Variants in STXBP6 observed in about 807,000 individuals in gnomAD.
STXBP6 encodes syntaxin-binding protein 6.
In STXBP6, 21 loss-of-function variants were observed where a neutral mutation model predicts 26.9. The observed-to-expected ratio is 0.78, with a 90% CI of 0.55 to 1.12. The LOEUF (loss-of-function observed/expected upper bound fraction) is 1.12. Ranked by LOEUF, STXBP6 falls within the 50% of genes most tolerant of loss-of-function variation. STXBP6 has a pLI of 0.00. For synonymous variants in STXBP6, 97 were observed against 92.6 expected, an observed-to-expected ratio of 1.05 and a Z score of -0.27; for missense variants, 232 against 257.9, an observed-to-expected ratio of 0.90 and a Z score of 0.69.
chr14:24,876,735 G>A (rs2070159416), intron 2 of STXBP6, among the ~76,000 whole-genome samples: 1 of 152,164 alleles, frequency 6.6e-6, no homozygotes, highest in Non-Finnish European at 1.5e-5. Flanking sequence ...GCCTAAAATT[G>A]GTAATTGGGC....
rs556583344 is a variant in STXBP6, at chr14:24,890,745, A to T, written c.155-33588T>A. Among the ~76,000 whole-genome samples the T allele has an allele frequency of 1.2e-3, 186 of 152,336 alleles. 1 individual carries two copies. Among genetic ancestry groups the T allele is most frequent in the Non-Finnish European group, 2.4e-3 (162 of 68,026 alleles). On this transcript the variant is annotated intron_variant, in intron 2 of 5. Transcript: ENST00000323944. The stretch of plus-strand genomic sequence containing the variant: ...CATCTTCAAAAAATGTATTCCTTTG[A>T]AATAAATTGAAACAGTATTAAACAG...
intron 1 of STXBP6, among the ~76,000 whole-genome samples, chr14:24,986,358 C>T (rs1193445900): frequency 6.6e-6 from 1 of 152,178 alleles, no homozygotes; most frequent in Admixed American, 6.5e-5. Context: ...AAGCTCCAAC[C>T]CACAGGCCTC....
rs757098534 is a variant in STXBP6 at position 24,812,661 on chromosome 14, C to A, written c.*48G>T. Reference sequence around the variant, plus strand: ...CCGAATTCTTGTAAAAACTGCTGAACAAACTCTTCAGTTTCTCTTAAGAAG... The same window carrying A: ...CCGAATTCTTGTAAAAACTGCTGAAAAAACTCTTCAGTTTCTCTTAAGAAG... On this transcript the variant is annotated 3_prime_UTR_variant, in exon 6 of 6. Coordinates refer to ENST00000323944, the MANE Select transcript of STXBP6 (RefSeq NM_001394410.1). The A allele has an allele frequency of 4.4e-6, 7 of 1,597,112 alleles. No homozygotes were observed. The highest frequency in any genetic ancestry group is 5.2e-6 in the Non-Finnish European group (6 of 1,164,982).
intron 2 of STXBP6, among the ~76,000 whole-genome samples, chr14:24,921,368 T>C (rs2071971722): frequency 6.6e-6 from 1 of 152,112 alleles, no homozygotes; most frequent in East Asian, 1.9e-4. Context: ...CACAGTGTGA[T>C]CTCCAAGAAG....
chr14:24,971,778 T>C (rs2073913306), intron 2 of STXBP6, among the ~76,000 whole-genome samples: 1 of 152,202 alleles, frequency 6.6e-6, no homozygotes, highest in South Asian at 2.1e-4. Context: ...TTCACATCAT[T>C]GTATTTTTTT....
rs1002586721 is a variant in STXBP6 at position 24,940,829 on chromosome 14, G to A, written c.154+33836C>T. Among the ~76,000 whole-genome samples the A allele has an allele frequency of 3.9e-5, 6 of 151,980 alleles. No individual in the cohort carries two copies. In the East Asian group the frequency reaches 9.7e-4, roughly 24 times the overall value. ...AGGAGTTCAAAACCAGCCTGGCCAA[G>A]ATGGTGAAACCCCATCTCTACTAAA... On this transcript the variant is annotated intron_variant, in intron 2 of 5. Transcript: ENST00000323944.
chr14:25,013,738 C>CA (rs1246293987), intron 1 of STXBP6, among the ~76,000 whole-genome samples: 14,672 of 87,064 alleles, frequency 0.17, 819 homozygotes, highest in African/African-American at 0.25. Flanking sequence ...TCCCATTTGA[C>CA]AAAAAAAAAA....
chr14:24,951,198 A>G (rs140647029), intron 2 of STXBP6, among the ~76,000 whole-genome samples: 25 of 152,330 alleles, frequency 1.6e-4, no homozygotes, highest in Admixed American at 5.9e-4. Flanking sequence ...TGCAATAAAC[A>G]TACGTGTGCA....
intron 1 of STXBP6, among the ~76,000 whole-genome samples, chr14:25,017,773 A>C (rs2075181292): frequency 6.6e-6 from 1 of 152,210 alleles, no homozygotes; most frequent in Admixed American, 6.5e-5. Context: ...TGGAGCCCTG[A>C]GGACTTACTG....
intron 1 of STXBP6, among the ~76,000 whole-genome samples, chr14:24,976,332 C>A (rs1052416036): frequency 6.6e-6 from 1 of 152,166 alleles, no homozygotes; most frequent in Non-Finnish European, 1.5e-5. Context: ...AAAAGAACAC[C>A]TTTCTAGTTA....
intron 5 of STXBP6, chr14:24,816,769 C>G (rs1170720464): frequency 6.6e-6 from 1 of 152,070 alleles, no homozygotes. Flanking sequence ...TGAGGGCCCT[C>G]CCACACCCCT....
In STXBP6 at chr14:24,810,819, C is replaced by G. The variant is rs181661549; in HGVS notation, c.*1890G>C. The G allele has an allele frequency of 6.6e-6, 1 of 151,378 alleles. No homozygotes were observed. The highest frequency in any genetic ancestry group is 2.4e-5 in the African/African-American group (1 of 41,148). 9.4% of individuals were successfully genotyped at this position (151,378 alleles called of 1,614,324 possible). A position where few individuals can be genotyped will look rare whatever the true frequency, so the allele number is the denominator to read the frequency against. On this transcript the variant is annotated 3_prime_UTR_variant, in exon 6 of 6. Transcript: ENST00000323944. The stretch of plus-strand genomic sequence containing the variant: ...ATCCTTTCAATTATTTATACCAACT[C>G]TCTATCTCTGAAACCAGAATCCAAT...
At chr14:24,916,145 T>C (rs1198323831) in intron 2 of STXBP6, among the ~76,000 whole-genome samples, 2 of 152,138 alleles carry the variant, frequency 1.3e-5, no homozygotes, top group Admixed American at 1.3e-4. Context: ...AAACAAAGTC[T>C]TCACCCCCTG....
intron 2 of STXBP6, among the ~76,000 whole-genome samples, chr14:24,878,338 C>T (rs1005711111): frequency 6.6e-5 from 10 of 152,034 alleles, no homozygotes; most frequent in Non-Finnish European, 1.3e-4. Context: ...TCTGGTTTTA[C>T]TTTTTAATAT....
chr14:24,977,354 AAAAACTGGTGAG>A (rs1233472082), intron 1 of STXBP6, among the ~76,000 whole-genome samples: 1 of 152,238 alleles, frequency 6.6e-6, no homozygotes, highest in Non-Finnish European at 1.5e-5. Context: ...TGTTCTTTTT[AAAAACTGGTGAG>A]AAATAGAAAT....
At chr14:24,954,449 G>C (rs1259375686) in intron 2 of STXBP6, among the ~76,000 whole-genome samples, 4 of 152,142 alleles carry the variant, frequency 2.6e-5, no homozygotes, top group African/African-American at 9.7e-5. Context: ...TGTGGTATTT[G>C]CTTTTGTATG....
At chr14:24,829,745 G>A (rs939108837) in intron 4 of STXBP6, among the ~76,000 whole-genome samples, 5 of 151,242 alleles carry the variant, frequency 3.3e-5, no homozygotes, top group South Asian at 2.1e-4. Context: ...TGGGAACACC[G>A]TTGTAGGCAA....
chr14:24,845,884 G>C (rs2068944387), intron 4 of STXBP6, among the ~76,000 whole-genome samples: 1 of 152,096 alleles, frequency 6.6e-6, no homozygotes, highest in Non-Finnish European at 1.5e-5. Context: ...CATTTAGGAG[G>C]GGACCATGAA....
intron 2 of STXBP6, among the ~76,000 whole-genome samples, chr14:24,958,125 T>G (rs1566509978): frequency 1.3e-5 from 2 of 152,250 alleles, no homozygotes; most frequent in East Asian, 3.9e-4. Context: ...CAAAACAAAG[T>G]TCTAATTGGA....
Sources: allele counts gnomAD v4.1 joint callset (sites outside exome capture counted in the v4.1 genomes callset), GRCh38; gene constraint gnomAD v4.1.1; transcripts MANE v1.5; gene names NCBI Gene and HGNC (gene_info 2026-07-23, HGNC 2026-07-21).